Variants in LRP1B observed in about 807,000 individuals in gnomAD.
LRP1B encodes the protein low-density lipoprotein receptor-related protein 1B.
In LRP1B, 217 loss-of-function variants were observed where a neutral mutation model predicts 556.6. That is an observed-to-expected ratio of 0.39 (90% CI 0.35 to 0.44). The LOEUF (loss-of-function observed/expected upper bound fraction) is 0.44, where lower values mean the gene tolerates loss of function less well. Among genes scored for constraint, LRP1B ranks in the 20% least tolerant of loss-of-function variants. LRP1B has a pLI of 1.00. For synonymous variants in LRP1B, 2,047 were observed against 1,865.8 expected (o/e 1.10, Z -2.50); for missense variants, 5,053 against 5,620.8 (o/e 0.90, Z 3.23).
chr2:140,249,722 G>A (rs1275018684), intron 86 of LRP1B, among the ~76,000 whole-genome samples: 1 of 151,690 alleles, frequency 6.6e-6, no homozygotes, highest in Non-Finnish European at 1.5e-5. Context: ...TTATTAAATA[G>A]AAATCATTAT....
intron 6 of LRP1B, among the ~76,000 whole-genome samples, chr2:141,194,895 C>T (rs1347007053): frequency 6.6e-6 from 1 of 152,090 alleles, no homozygotes; most frequent in African/African-American, 2.4e-5. Context: ...AAAGACTGCC[C>T]TTTAATTTAT....
At chr2:141,982,024 GT>G (rs1702056572) in intron 1 of LRP1B, among the ~76,000 whole-genome samples, 7 of 152,114 alleles carry the variant, frequency 4.6e-5, no homozygotes, top group Admixed American at 4.6e-4. Context: ...AAATACCCAT[GT>G]TAGACTATCA....
chr2:141,072,420 T>A (rs193115897), intron 7 of LRP1B, among the ~76,000 whole-genome samples: 147 of 152,160 alleles, frequency 9.7e-4, no homozygotes, highest in African/African-American at 3.3e-3. Flanking sequence ...AATCCAAAAC[T>A]TTATTCTTTG....
intron 5 of LRP1B, among the ~76,000 whole-genome samples, chr2:141,236,411 A>G (rs1169895676): frequency 1.3e-5 from 2 of 152,166 alleles, no homozygotes; most frequent in Non-Finnish European, 2.9e-5. Flanking sequence ...AGATGATCTC[A>G]TAGAAATAGA....
intron 1 of LRP1B, among the ~76,000 whole-genome samples, chr2:142,050,894 G>A (rs939290724): frequency 6.6e-6 from 1 of 152,026 alleles, no homozygotes; most frequent in African/African-American, 2.4e-5. Context: ...TCCATCATGT[G>A]TGAGTCTACC....
intron 66 of LRP1B, among the ~76,000 whole-genome samples, chr2:140,440,739 A>ATGTGTGTGTG (rs1279713239): frequency 1.2e-5 from 1 of 86,392 alleles, no homozygotes; most frequent in African/African-American, 4.6e-5. Flanking sequence ...GTCCCTCTGT[A>ATGTGTGTGTG]TGTATGTGTG....
intron 41 of LRP1B, among the ~76,000 whole-genome samples, chr2:140,657,618 C>CAT (rs571605649): frequency 8.6e-6 from 1 of 115,694 alleles, no homozygotes; most frequent in African/African-American, 3.2e-5. Context: ...TATATACATA[C>CAT]ATATATACAT....
intron 1 of LRP1B, among the ~76,000 whole-genome samples, chr2:141,981,230 G>A (rs1384993092): frequency 6.6e-6 from 1 of 152,024 alleles, no homozygotes; most frequent in Non-Finnish European, 1.5e-5. Context: ...ATCAAACAAG[G>A]CCATGGTATA....
Position 142,007,705 on chromosome 2 carries a change from C to G in LRP1B, c.82+122943G>C, listed in dbSNP as rs181679959. ...AACTGCTACCCTTTCTTTTCCTAAT[C>G]TATCTTGAAGTCCAATTTTGGCAGC... On this transcript the variant is annotated intron_variant, in intron 1 of 90. Transcript: ENST00000389484. Among the ~76,000 whole-genome samples, 5 of 152,314 alleles carry G rather than the reference C, an allele frequency of 3.3e-5. No individual in the cohort carries two copies. The East Asian group carries it at 9.7e-4, about 29-fold the overall frequency.
chr2:141,491,402 C>A (rs1484314743), intron 2 of LRP1B, among the ~76,000 whole-genome samples: 2 of 152,192 alleles, frequency 1.3e-5, no homozygotes, highest in African/African-American at 4.8e-5. Flanking sequence ...TCACTTGTAT[C>A]TTTTTTCAGA....
intron 7 of LRP1B, among the ~76,000 whole-genome samples, chr2:141,065,784 T>G (rs1439571209): frequency 1.3e-5 from 2 of 151,836 alleles, no homozygotes; most frequent in East Asian, 3.9e-4. Context: ...TGATGTTTTC[T>G]GAACACTTAA....
At chr2:140,425,557 C>A (rs1291672014) in intron 66 of LRP1B, among the ~76,000 whole-genome samples, 1 of 152,114 alleles carries the variant, frequency 6.6e-6, no homozygotes, top group Non-Finnish European at 1.5e-5. Flanking sequence ...AATAAAGGTA[C>A]CCACAACCAC....
chr2:141,022,213 G>C (rs1698084168), intron 11 of LRP1B, among the ~76,000 whole-genome samples: 1 of 151,202 alleles, frequency 6.6e-6, no homozygotes, highest in Admixed American at 6.6e-5. Context: ...CCTTAGGCTA[G>C]GTATCTAGTC....
intron 43 of LRP1B, among the ~76,000 whole-genome samples, chr2:140,588,849 A>G (rs993669183): frequency 2.6e-3 from 3 of 1,146 alleles, no homozygotes; most frequent in Non-Finnish European, 0.025. Context: ...GTCCCAGCTA[A>G]CTCGGGAGGC....
At chr2:140,896,756 C>G (rs532131874) in intron 23 of LRP1B, among the ~76,000 whole-genome samples, 2 of 152,228 alleles carry the variant, frequency 1.3e-5, no homozygotes, top group East Asian at 3.9e-4. Flanking sequence ...GTTGAGATTA[C>G]AGGTGTGAGC....
chr2:140,747,275 C>T (rs999305845), intron 35 of LRP1B, among the ~76,000 whole-genome samples: 2 of 152,180 alleles, frequency 1.3e-5, no homozygotes, highest in Non-Finnish European at 2.9e-5. Flanking sequence ...GGCTCTTTCA[C>T]TCACCTAGGT....
At chr2:140,587,472 A>G (rs748715251) in intron 43 of LRP1B, among the ~76,000 whole-genome samples, 4 of 152,206 alleles carry the variant, frequency 2.6e-5, no homozygotes, top group Non-Finnish European at 5.9e-5. Context: ...GAAATGAGCC[A>G]GACACAGAAA....
chr2:140,523,016 A>C lies in LRP1B; in HGVS notation c.8026+2828T>G, dbSNP rs560252835. On this transcript the variant is annotated intron_variant, in intron 49 of 90. Transcript: ENST00000389484. The stretch of plus-strand genomic sequence containing the variant: ...ACTGTTCCAAATAATTAAGGAGGTG[A>C]GATTTCTCCCTAACTCATTCTATGA... Among the ~76,000 whole-genome samples the C allele has an allele frequency of 2.4e-3, 362 of 152,060 alleles. 4 individuals are homozygous for C. The highest frequency in any genetic ancestry group is 8.4e-3 in the African/African-American group (350 of 41,518).
chr2:141,190,682 A>C (rs1681466979), intron 6 of LRP1B, among the ~76,000 whole-genome samples: 1 of 151,974 alleles, frequency 6.6e-6, no homozygotes, highest in East Asian at 1.9e-4. Flanking sequence ...TTTCTGATCT[A>C]TGTTCATTCT....
Sources: allele counts gnomAD v4.1 joint callset (sites outside exome capture counted in the v4.1 genomes callset), GRCh38; gene constraint gnomAD v4.1.1; transcripts MANE v1.5; gene names NCBI Gene and HGNC (gene_info 2026-07-23, HGNC 2026-07-21).